Variants in LETM1 observed in about 807,000 individuals in gnomAD.
LETM1 encodes mitochondrial proton/calcium exchanger protein.
Under a neutral mutation model 74.5 loss-of-function variants are expected in LETM1, and 50 were observed. The observed-to-expected ratio is 0.67, with a 90% CI of 0.53 to 0.85. The LOEUF (loss-of-function observed/expected upper bound fraction) is 0.85, where lower values mean the gene tolerates loss of function less well. LETM1 is among the 40% of genes least tolerant of loss of function. The probability of loss-of-function intolerance (pLI) is 0.00; values close to 1 mark genes in which losing one functional copy is unlikely to be tolerated. For synonymous variants in LETM1, 446 were observed against 407.1 expected, an observed-to-expected ratio of 1.10 and a Z score of -1.15; for missense variants, 824 against 967.8, an observed-to-expected ratio of 0.85 and a Z score of 1.97.
chr4:1,848,478 G>A (rs1324952834), intron 2 of LETM1, among the ~76,000 whole-genome samples: 2 of 151,518 alleles, frequency 1.3e-5, no homozygotes, highest in South Asian at 2.1e-4. Flanking sequence ...AACCCGGGAG[G>A]TGGATCTTGC....
chr4:1,824,626 G>A (rs1240376737), intron 7 of LETM1, among the ~76,000 whole-genome samples: 1 of 152,210 alleles, frequency 6.6e-6, no homozygotes, highest in Non-Finnish European at 1.5e-5. Context: ...CGAGAGGTGG[G>A]TAGAGAAGGA....
At chr4:1,850,955 GAGA>G (rs1481832313) in intron 1 of LETM1, among the ~76,000 whole-genome samples, 4 of 146,050 alleles carry the variant, frequency 2.7e-5, no homozygotes, top group African/African-American at 7.8e-5. Context: ...AAAAAAAAAA[GAGA>G]AGAACCACAA....
intron 1 of LETM1, among the ~76,000 whole-genome samples, chr4:1,853,586 G>T (rs1242094891): frequency 1.3e-5 from 2 of 152,204 alleles, no homozygotes; most frequent in Admixed American, 6.5e-5. Context: ...GGTCACTGCA[G>T]ACAAGGAAAG....
intron 2 of LETM1, among the ~76,000 whole-genome samples, chr4:1,847,839 A>AG: frequency 6.6e-6 from 1 of 150,414 alleles, no homozygotes; most frequent in East Asian, 1.9e-4. Flanking sequence ...AAAAAAAAAA[A>AG]AAAAAAAAAT....
intron 1 of LETM1, among the ~76,000 whole-genome samples, chr4:1,854,507 T>C (rs775887728): frequency 3.0e-5 from 4 of 131,612 alleles, no homozygotes; most frequent in Non-Finnish European, 6.4e-5. Flanking sequence ...ATTACAAGAA[T>C]TGGGGGCCGG....
At chr4:1,844,238 C>T (rs922215335) in intron 2 of LETM1, among the ~76,000 whole-genome samples, 9 of 152,336 alleles carry the variant, frequency 5.9e-5, no homozygotes, top group African/African-American at 1.7e-4. Context: ...TCAGCATTCA[C>T]GCTAAGTACA....
intron 6 of LETM1, among the ~76,000 whole-genome samples, chr4:1,827,815 G>A (rs1452886659): frequency 6.6e-6 from 1 of 150,930 alleles, no homozygotes; most frequent in Non-Finnish European, 1.5e-5. Flanking sequence ...ACACCTCCCA[G>A]ACGGGGTGGT....
chr4:1,822,376 C>T (rs751380951), intron 9 of LETM1, 64 bp from the exon 10 acceptor site: 176 of 1,376,116 alleles, frequency 1.3e-4, no homozygotes, highest in Non-Finnish European at 1.6e-4. Flanking sequence ...TCTTGCTCCC[C>T]GAAGCTCAGA....
At chr4:1,845,916 G>A (rs995953875) in intron 2 of LETM1, among the ~76,000 whole-genome samples, 9 of 151,942 alleles carry the variant, frequency 5.9e-5, no homozygotes, top group African/African-American at 7.3e-5. Flanking sequence ...GGAGTGCAGC[G>A]GTGTGATCCT....
At chr4:1,818,911 G>A (rs369591836) in intron 11 of LETM1, among the ~76,000 whole-genome samples, 10 of 151,858 alleles carry the variant, frequency 6.6e-5, no homozygotes, top group South Asian at 2.1e-4. Context: ...GTGAAACCCC[G>A]TCTCTACTAA....
intron 8 of LETM1, 104 bp downstream of exon 8, chr4:1,823,539 CG>C (rs1218204463): frequency 6.3e-6 from 9 of 1,439,552 alleles, no homozygotes; most frequent in Non-Finnish European, 8.6e-6. Context: ...GCAGGCTCCT[CG>C]CCCATGGTTG....
Position 1,841,628 on chromosome 4 carries a change from C to T in LETM1, c.313G>A (p.Val105Met), listed in dbSNP as rs746177401. 3 of 1,614,060 alleles carry T rather than the reference C, an allele frequency of 1.9e-6. No individual in the cohort carries two copies. The South Asian group carries it at 3.3e-5, about 18-fold the overall frequency. ...FVAVGPQCLP[V>M]RGWHSSRPVR... ...GGGCGCGAAGAGTGCCAGCCACGCACAGGAAGGCACTGAGGTCCCACAGCC... is the reference window on the plus strand; with the variant it reads ...GGGCGCGAAGAGTGCCAGCCACGCATAGGAAGGCACTGAGGTCCCACAGCC... The change falls in exon 3 of 14, where the codon GTG becomes ATG. Residue 105 changes from valine (V) to methionine (M), a missense_variant. Val to Met is a conservative substitution (Grantham distance 21). Coordinates refer to ENST00000302787, the MANE Select transcript of LETM1 (RefSeq NM_012318.3).
chr4:1,845,556 T>C (rs1473441185), intron 2 of LETM1, among the ~76,000 whole-genome samples: 1 of 151,228 alleles, frequency 6.6e-6, no homozygotes, highest in Non-Finnish European at 1.5e-5. Flanking sequence ...TTTTCTTTTT[T>C]TTTTTTTTCG....
intron 3 of LETM1, among the ~76,000 whole-genome samples, chr4:1,837,516 A>T (rs190130592): frequency 4.6e-5 from 7 of 152,190 alleles, no homozygotes; most frequent in African/African-American, 1.7e-4. Flanking sequence ...AAACGGTGCC[A>T]TATTTGGGCA....
At chr4:1,815,362 G>A (rs1577307405) in intron 13 of LETM1, among the ~76,000 whole-genome samples, 1 of 152,218 alleles carries the variant, frequency 6.6e-6, no homozygotes, top group Non-Finnish European at 1.5e-5. Context: ...CCCCTGAGAG[G>A]TGTTTGCTGC....
At position 1,836,378 on chromosome 4, in the gene LETM1, C is replaced by T; in HGVS notation, c.738+51G>A. 6.3e-7 allele frequency: 1 copy of T among 1,586,324 alleles called. No individual in the cohort carries two copies. Among genetic ancestry groups the T allele is most frequent in the Non-Finnish European group, 8.6e-7 (1 of 1,156,776 alleles). On this transcript the variant is annotated intron_variant, in intron 4 of 13. Coordinates refer to ENST00000302787, the MANE Select transcript of LETM1 (RefSeq NM_012318.3). This position sits in a 1 kb window ranked among gnomAD's most constrained non-coding sequence, Gnocchi z 5.8. ...AAAGTCACAAACAAGGAAGCCATCA[C>T]AATGAATTTCAGACTCATTCTAAAA... is the stretch of plus-strand genomic sequence containing the variant.
At chr4:1,844,569 T>C (rs987707410) in intron 2 of LETM1, among the ~76,000 whole-genome samples, 1 of 151,934 alleles carries the variant, frequency 6.6e-6, no homozygotes, top group African/African-American at 2.4e-5. Context: ...CTGTCTCTAC[T>C]AAAACTACAA....
chr4:1,815,446 T>C (rs373199679), intron 13 of LETM1, among the ~76,000 whole-genome samples: 2 of 152,350 alleles, frequency 1.3e-5, no homozygotes, highest in African/African-American at 4.8e-5. Context: ...GTGCGTTTTC[T>C]CTCTCAACAC....
chr4:1,821,705 C>T (rs1415146228), intron 10 of LETM1, among the ~76,000 whole-genome samples: 1 of 152,116 alleles, frequency 6.6e-6, no homozygotes, highest in Non-Finnish European at 1.5e-5. Context: ...CCCAGGTAGG[C>T]AGCACAGGCG....
Sources: gnomAD v4.1 joint callset for allele counts (sites outside exome capture counted in the v4.1 genomes callset) on GRCh38, gnomAD v4.1.1 for gene constraint, Gnocchi (gnomAD v3.1) non-coding constraint, MANE v1.5 for transcripts, NCBI Gene and HGNC (gene_info 2026-07-23, HGNC 2026-07-21) for gene names.